MADCAM1: variants seen among roughly 807,000 people sequenced by gnomAD.
The protein encoded by MADCAM1 is mucosal addressin cell adhesion molecule 1.
MADCAM1 carries 19 observed loss-of-function variants against 26.1 expected under a neutral mutation model. The observed-to-expected ratio is 0.73, with a 90% confidence interval of 0.51 to 1.07. The LOEUF (loss-of-function observed/expected upper bound fraction) is 1.07. Ranked by LOEUF, MADCAM1 falls within the 50% of genes least tolerant of loss-of-function variation. MADCAM1 has a pLI of 0.00. For missense variants in MADCAM1, 514 were observed against 542.1 expected (o/e 0.95, Z 0.51); for synonymous variants, 268 against 260.9 (o/e 1.03, Z -0.26).
At chr19:500,579 A>C (rs983830961) in intron 3 of MADCAM1, among the ~76,000 whole-genome samples, 5 of 151,910 alleles carry the variant, frequency 3.3e-5, no homozygotes, top group African/African-American at 1.2e-4. Flanking sequence ...AAAATACAAA[A>C]ATTAGATGTG....
chr19:497,156 A>G (rs1216521168), intron 1 of MADCAM1, among the ~76,000 whole-genome samples: 2 of 16,832 alleles, frequency 1.2e-4, no homozygotes, highest in African/African-American at 6.6e-4. Flanking sequence ...GGGGCGCAGG[A>G]GAGAGGAGGG....
chr19:501,485 C>CAA (rs60370701), intron 3 of MADCAM1, 184 bp from the exon 4 acceptor site: 26 of 83,522 alleles, frequency 3.1e-4, no homozygotes, highest in South Asian at 3.6e-4. Flanking sequence ...AACTCTGTCT[C>CAA]AAAAAAAAAA....
At chr19:503,655 CT>C (rs1284476864) in intron 4 of MADCAM1, among the ~76,000 whole-genome samples, 2 of 151,750 alleles carry the variant, frequency 1.3e-5, no homozygotes, top group Non-Finnish European at 2.9e-5. Context: ...AATGCCAGCA[CT>C]TTGGGAGGCC....
At chr19:499,798 G>C (rs1177644738) in intron 3 of MADCAM1, 9 of 456,368 alleles carry the variant, frequency 2.0e-5, no homozygotes, top group South Asian at 1.4e-4. Flanking sequence ...AATGTGGGCC[G>C]GTGCCCTGGC....
At chr19:499,079 C>A in intron 3 of MADCAM1, 1 of 687,756 alleles carries the variant, frequency 1.5e-6, no homozygotes, top group Non-Finnish European at 2.6e-6. Flanking sequence ...CCAAGTCCTC[C>A]CGGGGGCCCA....
At chr19:502,930 G>T (rs1179974436) in intron 4 of MADCAM1, among the ~76,000 whole-genome samples, 1 of 152,172 alleles carries the variant, frequency 6.6e-6, no homozygotes, top group African/African-American at 2.4e-5. Flanking sequence ...AGTTGCTTAC[G>T]AAAGATTTGA....
Position 504,947 on chromosome 19 carries a change from C to A in MADCAM1, c.1131C>A (p.Val377=). 1.0e-5 allele frequency: 16 copies of A among 1,596,906 alleles called. No homozygotes were observed. The highest frequency in any genetic ancestry group is 1.4e-5 in the Non-Finnish European group (16 of 1,167,064). Residue 377 remains valine, a synonymous_variant, in exon 5 of 5, where the codon GTC becomes GTA. Transcript: ENST00000215637. ...CTGGGTTAAGGGGGACCGGCCAGGT[C>A]GGGATCAGCCCCTCCTGAGTGGCCA... ...AWAGLRGTGQ[V]GISPS is the part of the protein sequence containing the mutation.
chr19:498,210 G>T, intron 2 of MADCAM1, 93 bp downstream of exon 2: 1 of 1,250,140 alleles, frequency 8.0e-7, no homozygotes, highest in South Asian at 2.3e-5. Context: ...CAGATTGCAG[G>T]CAGGGTCCCA....
Position 496,511 on chromosome 19 carries a change from A to G in MADCAM1, c.12A>G (p.Gly4=), listed in dbSNP as rs764132233. The part of the protein sequence containing the change: MDF[G]LALLLAGLLG... ...AGAGGGGACTGAGCATGGATTTCGG[A>G]CTGGCCCTCCTGCTGGCGGGGCTTC... The change falls in exon 1 of 5, where the codon GGA becomes GGG. Residue 4 remains glycine, a synonymous_variant. Coordinates refer to ENST00000215637, the MANE Select transcript of MADCAM1 (RefSeq NM_130760.3). 1.3e-5 allele frequency: 17 copies of G among 1,308,098 alleles called. No individual in the cohort carries two copies. Among genetic ancestry groups the G allele is most frequent in the South Asian group, 3.2e-5 (1 of 31,334 alleles). 81.0% of individuals were successfully genotyped at this position (1,308,098 alleles called of 1,614,324 possible).
Position 498,065 on chromosome 19 carries a change from G to T in MADCAM1, c.285G>T (p.Val95=). 6.8e-7 allele frequency: 1 copy of T among 1,461,566 alleles called. No homozygotes were observed. Among genetic ancestry groups the T allele is most frequent in the Non-Finnish European group, 9.0e-7 (1 of 1,112,892 alleles). 90.5% of individuals were successfully genotyped at this position (1,461,566 alleles called of 1,614,324 possible). ...CGGCGGCCGGGACCCGCGTGTGCGT[G>T]GGCTCCTGCGGGGGCCGCACCTTCC... is the stretch of plus-strand genomic sequence containing the variant. The part of the protein sequence containing the change: ...SLSAAGTRVC[V]GSCGGRTFQH... Residue 95 remains valine, a synonymous_variant, in exon 2 of 5, where the codon GTG becomes GTT. Transcript: ENST00000215637.
Position 505,087 on chromosome 19 carries a change from C to G in MADCAM1, c.*122C>G. On this transcript the variant is annotated 3_prime_UTR_variant, in exon 5 of 5. Coordinates refer to ENST00000215637, the MANE Select transcript of MADCAM1 (RefSeq NM_130760.3). Reference sequence around the variant, plus strand: ...ATCCCTCTGTTCACAGAGATGGATGCATGTTCTGATTGCCTCTTTGGAGAA... The same window carrying G: ...ATCCCTCTGTTCACAGAGATGGATGGATGTTCTGATTGCCTCTTTGGAGAA... 1 of 681,730 alleles carries G rather than the reference C, an allele frequency of 1.5e-6. No individual in the cohort carries two copies. The highest frequency in any genetic ancestry group is 2.3e-6 in the Non-Finnish European group (1 of 426,884). 42.2% of individuals were successfully genotyped at this position (681,730 alleles called of 1,614,324 possible).
Position 497,867 on chromosome 19 carries a change from GCC to G in MADCAM1, c.91_92del (p.Pro31GlyfsTer98), listed in dbSNP as rs1247464865. On this transcript the variant is annotated frameshift_variant, in exon 2 of 5. Transcript: ENST00000215637. LOFTEE classifies it high-confidence loss of function. ...TCCAGGTGAAGCCCCTGCAGGTGGA[GCC>G]CCCGGAGCCGGTGGTGGCCGTGGCC... ...SLQVKPLQVE[P>X]PEPVVAVALG... 7.5e-7 allele frequency: 1 copy of G among 1,339,698 alleles called. No individual in the cohort carries two copies. Among genetic ancestry groups the G allele is most frequent in the Non-Finnish European group, 9.5e-7 (1 of 1,053,298 alleles). 83.0% of individuals were successfully genotyped at this position (1,339,698 alleles called of 1,614,324 possible).
At chr19:504,001 GCT>G (rs1978488671) in intron 4 of MADCAM1, among the ~76,000 whole-genome samples, 1 of 151,140 alleles carries the variant, frequency 6.6e-6, no homozygotes. Flanking sequence ...GTGGCAGTGA[GCT>G]AAGATCACGC....
intron 3 of MADCAM1, chr19:499,333 T>C (rs1358420089): frequency 6.6e-6 from 3 of 457,122 alleles, no homozygotes; most frequent in Non-Finnish European, 8.8e-6. Flanking sequence ...GCCTCCTCCG[T>C]GAGGCTTCCC....
At chr19:501,540 C>T in intron 3 of MADCAM1, 129 bp from the exon 4 acceptor site, 1 of 523,172 alleles carries the variant, frequency 1.9e-6, no homozygotes. Context: ...ATGTGACTCA[C>T]CAGAGTGGTC....
chr19:501,563 T>C (rs1978328818), intron 3 of MADCAM1, 106 bp from the exon 4 acceptor site: 1 of 1,167,648 alleles, frequency 8.6e-7, no homozygotes, highest in Non-Finnish European at 1.2e-6. Context: ...GGGAAGGGGC[T>C]TGGAGGGGTT....
intron 3 of MADCAM1, chr19:499,926 G>C (rs1037771495): frequency 2.2e-6 from 1 of 448,096 alleles, no homozygotes; most frequent in African/African-American, 2.0e-5. Context: ...ACGTGAGGTC[G>C]TGAGTTTCAA....
intron 3 of MADCAM1, among the ~76,000 whole-genome samples, chr19:500,634 G>A (rs1978316952): frequency 6.6e-6 from 1 of 152,172 alleles, no homozygotes; most frequent in South Asian, 2.1e-4. Flanking sequence ...ACTTTGGGAA[G>A]CTGAGGTGGG....
chr19:502,286 G>T (rs1026373178), intron 4 of MADCAM1, among the ~76,000 whole-genome samples: 2 of 152,072 alleles, frequency 1.3e-5, no homozygotes, highest in African/African-American at 2.4e-5. Flanking sequence ...GAAACAATGC[G>T]GCCACATAGG....
Sources: allele counts gnomAD v4.1 joint callset (sites outside exome capture counted in the v4.1 genomes callset), GRCh38; gene constraint gnomAD v4.1.1; transcripts MANE v1.5; gene names NCBI Gene and HGNC (gene_info 2026-07-23, HGNC 2026-07-21).